PHACTR1: variants seen among roughly 807,000 people sequenced by gnomAD.
PHACTR1 encodes phosphatase and actin regulator 1, also known as RPEL repeat containing 1.
In PHACTR1, 16 loss-of-function variants were observed where a neutral mutation model predicts 69.2. The observed-to-expected ratio is 0.23, with a 90% CI of 0.16 to 0.35. PHACTR1 has a LOEUF of 0.35. Among genes scored for constraint, PHACTR1 ranks in the 10% least tolerant of loss-of-function variants. The pLI is 1.00. For missense variants in PHACTR1, 510 were observed against 734.7 expected (o/e 0.69, Z 3.54); for synonymous variants, 312 against 284.5 (o/e 1.10, Z -0.97).
intron 4 of PHACTR1, among the ~76,000 whole-genome samples, chr6:12,801,509 A>G (rs1221294437): frequency 1.3e-5 from 2 of 152,222 alleles, no homozygotes; most frequent in Non-Finnish European, 2.9e-5. Flanking sequence ...TAAAAATAAA[A>G]AAGAACAGAA....
intron 10 of PHACTR1, among the ~76,000 whole-genome samples, chr6:13,237,245 C>T (rs764686870): frequency 6.6e-6 from 1 of 152,016 alleles, no homozygotes. Flanking sequence ...GGCATGATGG[C>T]GTCCACCTGT....
intron 5 of PHACTR1, among the ~76,000 whole-genome samples, chr6:13,100,449 G>A (rs1583354044): frequency 6.6e-6 from 1 of 152,236 alleles, no homozygotes; most frequent in East Asian, 1.9e-4. Flanking sequence ...TAAAGGAGTG[G>A]AGGAAAAAAT....
At chr6:13,160,813 G>T (rs1758882437) in intron 6 of PHACTR1, among the ~76,000 whole-genome samples, 1 of 152,122 alleles carries the variant, frequency 6.6e-6, no homozygotes, top group Non-Finnish European at 1.5e-5. Context: ...ATAATATTAT[G>T]GTGCTTCAAA....
Position 13,227,847 on chromosome 6 carries a change from T to G in PHACTR1, c.1018T>G (p.Tyr340Asp). The change falls in exon 9 of 15, where the codon TAC becomes GAC. Residue 340 changes from tyrosine to aspartate, a missense_variant. Physicochemically the swap from Tyr to Asp is radical, Grantham distance 160. Around this residue, in one of 2 missense-constraint regions of PHACTR1, gnomAD observed 419 missense variants for 530.9 expected, o/e 0.79. Coordinates refer to ENST00000332995, the MANE Select transcript of PHACTR1 (RefSeq NM_030948.6). ...GCAGCGGGTCCCCTGTTCCACTTCTTACCACAGCTCTGGGTTGCACTCGGG... is the reference window on the plus strand; with the variant it reads ...GCAGCGGGTCCCCTGTTCCACTTCTGACCACAGCTCTGGGTTGCACTCGGG... ...SEQRVPCSTS[Y>D]HSSGLHSGDG... 1 of 1,614,038 alleles carries G rather than the reference T, an allele frequency of 6.2e-7. No homozygotes were observed. Among genetic ancestry groups the G allele is most frequent in the Non-Finnish European group, 8.5e-7 (1 of 1,179,888 alleles).
chr6:13,237,352 G>A (rs1003453922), intron 10 of PHACTR1, among the ~76,000 whole-genome samples: 2 of 152,120 alleles, frequency 1.3e-5, no homozygotes, highest in African/African-American at 4.8e-5. Flanking sequence ...ACTCCAGCCT[G>A]AGCAACAGAA....
At chr6:13,201,757 G>A (rs1334376521) in intron 7 of PHACTR1, among the ~76,000 whole-genome samples, 1 of 152,110 alleles carries the variant, frequency 6.6e-6, no homozygotes, top group Non-Finnish European at 1.5e-5. Flanking sequence ...TATGTTATGG[G>A]GAATGACTTG....
At chr6:13,194,560 C>T (rs894304958) in intron 7 of PHACTR1, among the ~76,000 whole-genome samples, 1 of 151,378 alleles carries the variant, frequency 6.6e-6, no homozygotes, top group Admixed American at 6.6e-5. Context: ...GAGAGTGACT[C>T]TCCTCTCCAG....
chr6:12,898,567 A>G (rs559982573), intron 4 of PHACTR1, among the ~76,000 whole-genome samples: 16 of 152,342 alleles, frequency 1.1e-4, no homozygotes, highest in Admixed American at 4.6e-4. Flanking sequence ...TGTCTCAGAC[A>G]TATCTGCCTC....
At chr6:13,136,963 G>A (rs910813189) in intron 5 of PHACTR1, among the ~76,000 whole-genome samples, 3 of 152,194 alleles carry the variant, frequency 2.0e-5, no homozygotes, top group Non-Finnish European at 2.9e-5. Flanking sequence ...GATGAAAAGT[G>A]TGAAAAATTG....
intron 5 of PHACTR1, among the ~76,000 whole-genome samples, chr6:13,110,709 G>C (rs1461303213): frequency 6.6e-6 from 1 of 152,214 alleles, no homozygotes; most frequent in Non-Finnish European, 1.5e-5. Context: ...AAACTGGGGA[G>C]ATCACAGGGC....
At chr6:12,743,831 A>C (rs1364505648) in intron 3 of PHACTR1, among the ~76,000 whole-genome samples, 1 of 152,188 alleles carries the variant, frequency 6.6e-6, no homozygotes, top group African/African-American at 2.4e-5. Context: ...AGAACTCTCC[A>C]CCCCAAATCA....
chr6:13,113,550 C>T (rs1817365543), intron 5 of PHACTR1, among the ~76,000 whole-genome samples: 2 of 152,140 alleles, frequency 1.3e-5, no homozygotes, highest in Admixed American at 1.3e-4. Flanking sequence ...CAGAATTTAA[C>T]ACCTGCTCAT....
intron 4 of PHACTR1, among the ~76,000 whole-genome samples, chr6:12,801,539 A>G (rs556381622): frequency 6.6e-6 from 1 of 152,202 alleles, no homozygotes; most frequent in Non-Finnish European, 1.5e-5. Context: ...TGCTTGGCTG[A>G]TAGACTATGA....
intron 5 of PHACTR1, among the ~76,000 whole-genome samples, chr6:13,129,220 T>C (rs987141937): frequency 2.0e-5 from 3 of 152,094 alleles, no homozygotes; most frequent in African/African-American, 4.8e-5. Context: ...ACAAATCTCA[T>C]AGGGCCTATA....
At chr6:13,110,172 C>T (rs555445350) in intron 5 of PHACTR1, among the ~76,000 whole-genome samples, 4 of 151,864 alleles carry the variant, frequency 2.6e-5, no homozygotes, top group East Asian at 3.9e-4. Flanking sequence ...TTGTGGTTCA[C>T]GTTTTCTTGT....
At chr6:13,148,532 A>G (rs1033077244) in intron 5 of PHACTR1, among the ~76,000 whole-genome samples, 1 of 152,232 alleles carries the variant, frequency 6.6e-6, no homozygotes, top group Non-Finnish European at 1.5e-5. Flanking sequence ...ATTCATGAAG[A>G]ATGCACTTTT....
intron 4 of PHACTR1, chr6:12,934,055 G>A: frequency 7.2e-7 from 1 of 1,382,114 alleles, no homozygotes; most frequent in Non-Finnish European, 9.6e-7. Context: ...AAATCAAGGT[G>A]TTGGTGGGGC....
intron 4 of PHACTR1, among the ~76,000 whole-genome samples, chr6:12,873,117 T>A (rs1033177400): frequency 6.6e-6 from 1 of 152,010 alleles, no homozygotes; most frequent in Admixed American, 6.6e-5. Flanking sequence ...GCTCAAGTGA[T>A]CCTCTCACCT....
At chr6:12,878,943 C>T (rs957259708) in intron 4 of PHACTR1, among the ~76,000 whole-genome samples, 2 of 152,122 alleles carry the variant, frequency 1.3e-5, no homozygotes, top group Non-Finnish European at 2.9e-5. Flanking sequence ...AATCATCACC[C>T]GTTTAAAATT....
Sources: gnomAD v4.1 joint callset for allele counts (sites outside exome capture counted in the v4.1 genomes callset) on GRCh38, gnomAD v4.1.1 for gene constraint, gnomAD v4.1.1 regional missense constraint, MANE v1.5 for transcripts, NCBI Gene and HGNC (gene_info 2026-07-23, HGNC 2026-07-21) for gene names.